Variants in COL21A1 observed in about 807,000 individuals in gnomAD.
COL21A1 encodes the protein collagen type XXI alpha 1 chain, also known as collagen alpha-1(XXI) chain.
In COL21A1, 149 loss-of-function variants were observed where a neutral mutation model predicts 137.9. The ratio of observed to expected loss-of-function variants is 1.08; its 90% CI spans 0.95 to 1.24. The LOEUF (loss-of-function observed/expected upper bound fraction) is 1.24. COL21A1 is among the 50% of genes most tolerant of loss of function. The pLI, the probability that COL21A1 is intolerant of heterozygous loss-of-function variation, is 0.00. For synonymous variants in COL21A1, 456 were observed against 391.5 expected, an observed-to-expected ratio of 1.16 and a Z score of -1.95; for missense variants, 1,167 against 1,158.4, an observed-to-expected ratio of 1.01 and a Z score of -0.11.
intron 1 of COL21A1, among the ~76,000 whole-genome samples, chr6:56,279,002 C>T (rs1439962662): frequency 6.6e-6 from 1 of 152,180 alleles, no homozygotes; most frequent in East Asian, 1.9e-4. Flanking sequence ...TCTGTGTCCC[C>T]ACCCAAAGCT....
At chr6:56,171,213 A>ATTGTC in intron 3 of COL21A1, 85 bp from the exon 4 acceptor site, 28 of 792,750 alleles carry the variant, frequency 3.5e-5, no homozygotes, top group Middle Eastern at 3.9e-4. Flanking sequence ...ACTAGACAAT[A>ATTGTC]TAGTATTCTA....
chr6:56,120,418 G>A (rs1157017707), intron 16 of COL21A1, among the ~76,000 whole-genome samples: 3 of 152,190 alleles, frequency 2.0e-5, no homozygotes, highest in African/African-American at 7.2e-5. Context: ...TGAGGATGTG[G>A]AGAAAAGGGA....
chr6:56,231,533 G>C (rs576665456), intron 1 of COL21A1, among the ~76,000 whole-genome samples: 6 of 151,952 alleles, frequency 3.9e-5, no homozygotes, highest in Admixed American at 1.3e-4. Flanking sequence ...TATCTCCTCT[G>C]TAAAACCAGG....
chr6:56,372,828 G>A (rs2152350512), intron 1 of COL21A1, among the ~76,000 whole-genome samples: 1 of 152,222 alleles, frequency 6.6e-6, no homozygotes, highest in African/African-American at 2.4e-5. Flanking sequence ...TCATTCTTTT[G>A]TTCTGTAGCA....
At chr6:56,320,039 T>C (rs1162919329) in intron 1 of COL21A1, among the ~76,000 whole-genome samples, 1 of 152,146 alleles carries the variant, frequency 6.6e-6, no homozygotes, top group African/African-American at 2.4e-5. Context: ...ACCACCTACT[T>C]GACACCTCTA....
chr6:56,379,941 T>C (rs1021487967), intron 1 of COL21A1, among the ~76,000 whole-genome samples: 1 of 152,228 alleles, frequency 6.6e-6, no homozygotes, highest in Non-Finnish European at 1.5e-5. Flanking sequence ...TTGTCTTTCC[T>C]ATTTTGAGAT....
intron 1 of COL21A1, among the ~76,000 whole-genome samples, chr6:56,223,744 T>A (rs960124853): frequency 5.3e-5 from 8 of 152,148 alleles, no homozygotes; most frequent in Non-Finnish European, 1.0e-4. Context: ...GTGTGTAACA[T>A]CATTAGCTAT....
chr6:56,258,008 C>G (rs1763154452), intron 1 of COL21A1, among the ~76,000 whole-genome samples: 1 of 151,782 alleles, frequency 6.6e-6, no homozygotes, highest in African/African-American at 2.4e-5. Flanking sequence ...GGTAATTTTT[C>G]TTTTATTCTT....
chr6:56,119,559 C>T (rs1426082243), intron 16 of COL21A1, among the ~76,000 whole-genome samples: 4 of 152,006 alleles, frequency 2.6e-5, no homozygotes, highest in Non-Finnish European at 5.9e-5. Context: ...AAAACCAATC[C>T]TATAATTTAT....
chr6:56,214,299 C>A (rs986270304), intron 1 of COL21A1, among the ~76,000 whole-genome samples: 2 of 151,986 alleles, frequency 1.3e-5, no homozygotes, highest in Non-Finnish European at 2.9e-5. Context: ...ATAAATCTGG[C>A]AACTTAAAAT....
chr6:56,308,371 C>T (rs1764520104), intron 1 of COL21A1, among the ~76,000 whole-genome samples: 2 of 152,214 alleles, frequency 1.3e-5, no homozygotes, highest in Non-Finnish European at 2.9e-5. Flanking sequence ...CAATTTCTAT[C>T]ATTTATAAAT....
intron 1 of COL21A1, among the ~76,000 whole-genome samples, chr6:56,335,109 C>A (rs111623141): frequency 6.6e-6 from 1 of 151,966 alleles, no homozygotes; most frequent in African/African-American, 2.4e-5. Context: ...ACTGGGCTAA[C>A]GATAGATGAT....
At chr6:56,258,363 A>G (rs769829083) in intron 1 of COL21A1, among the ~76,000 whole-genome samples, 3 of 152,040 alleles carry the variant, frequency 2.0e-5, no homozygotes, top group Non-Finnish European at 4.4e-5. Flanking sequence ...TACTTAGCAA[A>G]TGCATGCTGC....
chr6:56,135,784 A>G (rs1773953839), intron 12 of COL21A1, among the ~76,000 whole-genome samples: 1 of 152,170 alleles, frequency 6.6e-6, no homozygotes, highest in Non-Finnish European at 1.5e-5. Flanking sequence ...TTTTCTTTAT[A>G]TTTTCTTTCA....
At chr6:56,237,285 C>T (rs1032316050) in intron 1 of COL21A1, among the ~76,000 whole-genome samples, 3 of 152,032 alleles carry the variant, frequency 2.0e-5, no homozygotes, top group African/African-American at 7.2e-5. Context: ...TGAGGACACT[C>T]CCTTGAGTAA....
At chr6:56,133,570 T>C (rs62413467) in intron 12 of COL21A1, among the ~76,000 whole-genome samples, 22,860 of 152,198 alleles carry the variant, frequency 0.15, 1,755 homozygotes, top group Middle Eastern at 0.22. Context: ...AACAAGCAGC[T>C]GAATGTTAAT....
In COL21A1 at chr6:56,069,031, C is replaced by CT; in HGVS notation, c.2091+14dup. The CT allele has an allele frequency of 6.3e-7, 1 of 1,582,674 alleles. No homozygotes were observed. Among genetic ancestry groups the CT allele is most frequent in the African/African-American group, 1.4e-5 (1 of 73,862 alleles). ...ACTGGTTAAAAGCGAACTGTATCTC[C>CT]TAACCAATGCATACCTTTTTTCCTT... On this transcript the variant is annotated intron_variant, in intron 22 of 29. Transcript: ENST00000244728.
intron 1 of COL21A1, among the ~76,000 whole-genome samples, chr6:56,378,139 A>G (rs1241251855): frequency 6.6e-6 from 1 of 152,194 alleles, no homozygotes; most frequent in Non-Finnish European, 1.5e-5. Context: ...GACTCAGCAC[A>G]TGCCCAGCTG....
intron 1 of COL21A1, among the ~76,000 whole-genome samples, chr6:56,214,847 C>T (rs1780385126): frequency 6.6e-6 from 1 of 152,044 alleles, no homozygotes; most frequent in Non-Finnish European, 1.5e-5. Flanking sequence ...CCAGGATTGA[C>T]TCCAGTCTTT....
Sources: allele counts gnomAD v4.1 joint callset (sites outside exome capture counted in the v4.1 genomes callset), GRCh38; gene constraint gnomAD v4.1.1; transcripts MANE v1.5; gene names NCBI Gene and HGNC (gene_info 2026-07-23, HGNC 2026-07-21).